Variants in ATP8A2 observed in about 807,000 individuals in gnomAD.
ATP8A2 encodes the protein ATPase phospholipid transporting 8A2.
A neutral mutation model predicts 165.6 loss-of-function variants in ATP8A2; 100 were observed. The observed-to-expected ratio is 0.60, with a 90% CI of 0.51 to 0.71. The LOEUF (loss-of-function observed/expected upper bound fraction) is 0.71. ATP8A2 is among the 30% of genes least tolerant of loss of function. The probability of loss-of-function intolerance (pLI) is 0.00; values close to 1 mark genes in which losing one functional copy is unlikely to be tolerated. For missense variants in ATP8A2, 1,227 were observed against 1,479.5 expected, an observed-to-expected ratio of 0.83 and a Z score of 2.80; for synonymous variants, 543 against 548.8, an observed-to-expected ratio of 0.99 and a Z score of 0.15.
intron 35 of ATP8A2, among the ~76,000 whole-genome samples, chr13:25,990,480 A>T (rs1241463616): frequency 2.0e-5 from 3 of 152,100 alleles, no homozygotes; most frequent in African/African-American, 7.2e-5. Flanking sequence ...CCACGGGAAG[A>T]ACATCCCAGG....
chr13:25,687,352 A>G (rs1236828431), intron 24 of ATP8A2, among the ~76,000 whole-genome samples: 2 of 152,198 alleles, frequency 1.3e-5, no homozygotes, highest in African/African-American at 4.8e-5. Context: ...AGAGCAAGTG[A>G]CAGCTGCCGG....
intron 25 of ATP8A2, among the ~76,000 whole-genome samples, chr13:25,728,752 T>C (rs1276294814): frequency 6.6e-6 from 1 of 152,174 alleles, no homozygotes; most frequent in Non-Finnish European, 1.5e-5. Context: ...ATCCCCTATC[T>C]CATTCTGTTT....
intron 27 of ATP8A2, among the ~76,000 whole-genome samples, chr13:25,790,915 G>A (rs1025108735): frequency 2.0e-5 from 3 of 152,094 alleles, no homozygotes; most frequent in Admixed American, 2.0e-4. Context: ...AAAAAGGAAT[G>A]CTTATACACT....
At chr13:25,559,904 T>C (rs745340570) in intron 15 of ATP8A2, 139 bp downstream of exon 15, 10 of 630,478 alleles carry the variant, frequency 1.6e-5, no homozygotes, top group Non-Finnish European at 2.4e-5. Context: ...CATAGCTCAC[T>C]GTAGTCACGA....
chr13:25,527,478 CTGTTTGTAGTGTTAT>C (rs2037878150), intron 2 of ATP8A2, among the ~76,000 whole-genome samples: 1 of 152,094 alleles, frequency 6.6e-6, no homozygotes, highest in Admixed American at 6.6e-5. Context: ...CTGCCTTTAG[CTGTTTGTAGTGTTAT>C]ATCTTTAATT....
intron 1 of ATP8A2, among the ~76,000 whole-genome samples, chr13:25,416,379 G>T (rs577136217): frequency 6.6e-6 from 1 of 152,300 alleles, no homozygotes; most frequent in African/African-American, 2.4e-5. Context: ...ACTAGGGCTT[G>T]TCCTGTCATT....
chr13:25,757,337 C>A (rs752870973), intron 25 of ATP8A2, among the ~76,000 whole-genome samples: 2 of 152,198 alleles, frequency 1.3e-5, no homozygotes, highest in Admixed American at 6.5e-5. Flanking sequence ...ATCACCAGAG[C>A]CCCAAGACCT....
intron 24 of ATP8A2, among the ~76,000 whole-genome samples, chr13:25,594,795 A>G (rs755388898): frequency 1.3e-5 from 2 of 152,174 alleles, no homozygotes; most frequent in African/African-American, 4.8e-5. Context: ...AAGAACTAAA[A>G]GTAGAACTAC....
chr13:25,386,019 G>A (rs958600240), intron 1 of ATP8A2, among the ~76,000 whole-genome samples: 1 of 151,680 alleles, frequency 6.6e-6, no homozygotes, highest in Admixed American at 6.6e-5. Flanking sequence ...GGGTTCTAGC[G>A]ATTCTCCTGC....
chr13:25,435,415 G>A (rs762540286), intron 1 of ATP8A2, among the ~76,000 whole-genome samples: 30 of 152,086 alleles, frequency 2.0e-4, no homozygotes, highest in Admixed American at 5.2e-4. Flanking sequence ...CACCGCGCCC[G>A]GCTGGAAATC....
At chr13:25,672,144 C>G (rs77705478) in intron 24 of ATP8A2, among the ~76,000 whole-genome samples, 4,534 of 152,266 alleles carry the variant, frequency 0.03, 122 homozygotes, top group East Asian at 0.13. Context: ...TGGGTATCAA[C>G]TTGAAGTTAG....
chr13:25,512,540 C>T (rs1293719527), intron 2 of ATP8A2, among the ~76,000 whole-genome samples: 116 of 136,124 alleles, frequency 8.5e-4, no homozygotes, highest in Middle Eastern at 4.0e-3. Context: ...CCGGACGGGG[C>T]GGCTGGCCGG....
intron 33 of ATP8A2, among the ~76,000 whole-genome samples, chr13:25,936,848 G>A (rs1264623159): frequency 1.3e-5 from 2 of 152,162 alleles, no homozygotes; most frequent in African/African-American, 4.8e-5. Flanking sequence ...TCAGCTACCT[G>A]TCCAAGACAC....
Position 25,559,268 on chromosome 13 carries a change from C to T in ATP8A2, c.1352+207C>T, listed in dbSNP as rs190844067. 2.6e-5 allele frequency among the ~76,000 whole-genome samples: 4 copies of T among 152,302 alleles called. No homozygotes were observed. In the East Asian group the frequency reaches 5.8e-4, roughly 22 times the overall value. On this transcript the variant is annotated intron_variant, in intron 14 of 36. Transcript: ENST00000381655. ...TTATTTCTGACTGGGTGCAGTGGCT[C>T]ACACCTGTAATCCCAGCACTTTGGG...
chr13:25,880,065 GGCGTAGGCCTGTCCATGGAGTGGCCTGTC>G (rs1038942152), intron 33 of ATP8A2, among the ~76,000 whole-genome samples: 6 of 152,184 alleles, frequency 3.9e-5, no homozygotes, highest in Non-Finnish European at 7.3e-5. Context: ...AAGCCACAGC[GGCGTAGGCCTGTCCATGGAGTGGCCTGTC>G]CATGGGGTAC....
intron 1 of ATP8A2, among the ~76,000 whole-genome samples, chr13:25,450,754 A>G (rs1447467766): frequency 6.6e-6 from 1 of 151,942 alleles, no homozygotes; most frequent in East Asian, 1.9e-4. Context: ...GATGGTCTCA[A>G]TCTCCTGACC....
At chr13:25,813,050 A>C (rs1950917633) in intron 27 of ATP8A2, among the ~76,000 whole-genome samples, 1 of 151,998 alleles carries the variant, frequency 6.6e-6, no homozygotes, top group Non-Finnish European at 1.5e-5. Flanking sequence ...AACACCACAC[A>C]CTGGGGCCTG....
intron 29 of ATP8A2, 69 bp from the exon 30 acceptor site, chr13:25,839,477 T>C: frequency 9.4e-7 from 1 of 1,065,714 alleles, no homozygotes; most frequent in Admixed American, 1.7e-5. Context: ...AATGTGGCGT[T>C]TGTTGAGAGT....
chr13:25,837,038 T>G, intron 28 of ATP8A2, 125 bp from the exon 29 acceptor site: 1 of 1,178,752 alleles, frequency 8.5e-7, no homozygotes, highest in Non-Finnish European at 1.2e-6. Context: ...TGTCTGGGGA[T>G]CTGTGAATCA....
Sources: gnomAD v4.1 joint callset for allele counts (sites outside exome capture counted in the v4.1 genomes callset) on GRCh38, gnomAD v4.1.1 for gene constraint, MANE v1.5 for transcripts, NCBI Gene and HGNC (gene_info 2026-07-23, HGNC 2026-07-21) for gene names.